Variants in COP1 observed in about 807,000 individuals in gnomAD.
The protein encoded by COP1 is E3 ubiquitin-protein ligase COP1.
COP1 carries 24 observed loss-of-function variants against 101.3 expected under a neutral mutation model. The ratio of observed to expected loss-of-function variants is 0.24; its 90% CI spans 0.17 to 0.33. The LOEUF is 0.33. COP1 is among the 10% of genes least tolerant of loss of function. COP1 has a pLI of 1.00. For missense variants in COP1, 663 were observed against 906.2 expected, an observed-to-expected ratio of 0.73 and a Z score of 3.45; for synonymous variants, 347 against 341.9, an observed-to-expected ratio of 1.01 and a Z score of -0.17.
intron 2 of COP1, among the ~76,000 whole-genome samples, chr1:176,180,174 T>C (rs1697550945): frequency 6.6e-6 from 1 of 152,210 alleles, no homozygotes; most frequent in South Asian, 2.1e-4. Context: ...GGATTTGTTT[T>C]ACCCTCTGTA....
intron 11 of COP1, among the ~76,000 whole-genome samples, chr1:176,079,966 T>C (rs1264185575): frequency 2.0e-5 from 3 of 151,710 alleles, no homozygotes; most frequent in African/African-American, 7.3e-5. Flanking sequence ...GAGGATCGCC[T>C]AGGCAGCATA....
intron 9 of COP1, among the ~76,000 whole-genome samples, chr1:176,090,807 G>C (rs537857405): frequency 6.6e-6 from 1 of 152,156 alleles, no homozygotes; most frequent in African/African-American, 2.4e-5. Context: ...CAGAAGAAAA[G>C]ACCAAGAAAC....
rs1175140935 is a variant in COP1 at position 176,206,975 on chromosome 1, A to G, written c.4T>C (p.Ser2Pro). 2 of 1,393,622 alleles carry G rather than the reference A, an allele frequency of 1.4e-6. No individual in the cohort carries two copies. The highest frequency in any genetic ancestry group is 1.9e-6 in the Non-Finnish European group (2 of 1,077,908). 86.3% of individuals were successfully genotyped at this position (1,393,622 alleles called of 1,614,324 possible). Residue 2 changes from serine to proline, a missense_variant, in exon 1 of 20, where the codon TCT becomes CCT. Around this residue, in one of 4 missense-constraint regions of COP1, gnomAD observed 204 missense variants for 203.6 expected, o/e 1.00. Transcript: ENST00000367669. ...CCCGACCCGGCCTGGCGGCTACCAGACATCGTGACTCCCTCCCCTCCAGCC... is the reference window on the plus strand; with the variant it reads ...CCCGACCCGGCCTGGCGGCTACCAGGCATCGTGACTCCCTCCCCTCCAGCC... M[S>P]GSRQAGSGSA... is the part of the protein sequence containing the mutation.
At chr1:175,977,288 C>A (rs1007116598) in intron 18 of COP1, among the ~76,000 whole-genome samples, 1 of 152,136 alleles carries the variant, frequency 6.6e-6, no homozygotes, top group Admixed American at 6.5e-5. Context: ...TCATATTCAT[C>A]TTTCAGTTGG....
chr1:176,179,220 G>A lies in COP1; in HGVS notation c.468-3213C>T, dbSNP rs529641780. Among the ~76,000 whole-genome samples the A allele has an allele frequency of 2.5e-3, 380 of 151,592 alleles. 2 individuals are homozygous for A. The highest frequency in any genetic ancestry group is 9.0e-3 in the African/African-American group (370 of 41,304). ...CAGGAAAATTGCTTGACCCTGGGGG[G>A]CAGAGGTTGCAGTGAGCCAAGATCA... On this transcript the variant is annotated intron_variant, in intron 2 of 19. Transcript: ENST00000367669.
chr1:176,047,985 A>G (rs1671802206), intron 11 of COP1, among the ~76,000 whole-genome samples: 1 of 148,734 alleles, frequency 6.7e-6, no homozygotes, highest in Admixed American at 6.7e-5. Context: ...AGGTGGGAGG[A>G]CTGCTTGAAC....
chr1:176,148,680 T>G (rs543030443), intron 6 of COP1, among the ~76,000 whole-genome samples: 1 of 152,154 alleles, frequency 6.6e-6, no homozygotes, highest in Non-Finnish European at 1.5e-5. Context: ...AAGGCTTTAT[T>G]ATCTAAATTT....
chr1:176,000,081 T>G (rs1054505102), intron 15 of COP1, among the ~76,000 whole-genome samples: 2 of 152,142 alleles, frequency 1.3e-5, no homozygotes, highest in Admixed American at 1.3e-4. Context: ...TTGTTGACTG[T>G]TGCCTTCGCT....
chr1:176,099,766 T>TTG (rs978273313), intron 9 of COP1, among the ~76,000 whole-genome samples: 5 of 152,008 alleles, frequency 3.3e-5, no homozygotes, highest in African/African-American at 1.2e-4. Context: ...CCTCATACCC[T>TTG]TGTCTACACA....
intron 8 of COP1, among the ~76,000 whole-genome samples, chr1:176,130,270 AG>A (rs1312972340): frequency 3.6e-4 from 55 of 151,826 alleles, no homozygotes; most frequent in Non-Finnish European, 8.9e-5. Flanking sequence ...AAGGGCAGAT[AG>A]GATGTATATC....
Position 176,042,262 on chromosome 1 carries a change from C to T in COP1, c.1612+924G>A, listed in dbSNP as rs373356966. Among the ~76,000 whole-genome samples, 241 of 84,032 alleles carry T rather than the reference C, an allele frequency of 2.9e-3. 2 individuals carry two copies. The highest frequency in any genetic ancestry group is 0.01 in the African/African-American group (231 of 22,746). 55.1% of individuals were successfully genotyped at this position (84,032 alleles called of 152,430 possible). A position where few individuals can be genotyped will look rare whatever the true frequency, so the allele number is the denominator to read the frequency against. ...CTCCAGCCTGGGCGACACAGCGAAA[C>T]TCTATCTCAAAAAAAAAAAAAAAAA... On this transcript the variant is annotated intron_variant, in intron 14 of 19. Coordinates refer to ENST00000367669, the MANE Select transcript of COP1 (RefSeq NM_022457.7).
At chr1:175,997,237 C>T (rs1002847605) in intron 15 of COP1, among the ~76,000 whole-genome samples, 4 of 151,602 alleles carry the variant, frequency 2.6e-5, no homozygotes, top group African/African-American at 4.8e-5. Flanking sequence ...ACACCTTATA[C>T]AAAAATCAAT....
intron 18 of COP1, among the ~76,000 whole-genome samples, chr1:175,970,729 T>A (rs1056269623): frequency 1.3e-5 from 2 of 152,170 alleles, no homozygotes; most frequent in African/African-American, 4.8e-5. Flanking sequence ...GATACAGATA[T>A]CTGAAGTGAA....
At chr1:176,072,485 T>C (rs1442340377) in intron 11 of COP1, among the ~76,000 whole-genome samples, 1 of 152,214 alleles carries the variant, frequency 6.6e-6, no homozygotes, top group Non-Finnish European at 1.5e-5. Flanking sequence ...TCCCTCCCTC[T>C]GCACTCCCAT....
At chr1:176,004,241 G>C (rs1662520979) in intron 15 of COP1, among the ~76,000 whole-genome samples, 1 of 148,224 alleles carries the variant, frequency 6.7e-6, no homozygotes, top group Non-Finnish European at 1.5e-5. Context: ...TCAGCTTAAG[G>C]AGATTTTGGG....
At chr1:176,008,315 A>G (rs1008705683) in intron 15 of COP1, among the ~76,000 whole-genome samples, 3 of 152,122 alleles carry the variant, frequency 2.0e-5, no homozygotes, top group African/African-American at 7.2e-5. Flanking sequence ...TGCGTTGCTC[A>G]TGCTGGGAGC....
chr1:176,014,276 C>A (rs570039936), intron 15 of COP1, among the ~76,000 whole-genome samples: 1 of 152,346 alleles, frequency 6.6e-6, no homozygotes, highest in African/African-American at 2.4e-5. Context: ...CCAATTCCTA[C>A]ACAATCATCA....
chr1:176,122,633 T>C (rs1387584172), intron 8 of COP1, among the ~76,000 whole-genome samples: 2 of 152,180 alleles, frequency 1.3e-5, no homozygotes, highest in Non-Finnish European at 2.9e-5. Flanking sequence ...GCACCTCTTG[T>C]CTTCTTTTAA....
chr1:176,075,620 C>T (rs1677844987), intron 11 of COP1, among the ~76,000 whole-genome samples: 1 of 152,096 alleles, frequency 6.6e-6, no homozygotes, highest in Non-Finnish European at 1.5e-5. Flanking sequence ...CTTTAAAATA[C>T]TTAAGCATAT....
Sources: allele counts gnomAD v4.1 joint callset (sites outside exome capture counted in the v4.1 genomes callset), GRCh38; gene constraint gnomAD v4.1.1; regional missense constraint gnomAD v4.1.1; transcripts MANE v1.5; gene names NCBI Gene and HGNC (gene_info 2026-07-23, HGNC 2026-07-21).